EPB41: variants seen among roughly 807,000 people sequenced by gnomAD.
EPB41 encodes protein 4.1.
In EPB41, 65 loss-of-function variants were observed where a neutral mutation model predicts 108.0. The observed-to-expected ratio is 0.60, with a 90% CI of 0.49 to 0.74. The LOEUF is 0.74. Among genes scored for constraint, EPB41 ranks in the 30% least tolerant of loss-of-function variants. The probability of loss-of-function intolerance (pLI) is 0.00; values close to 1 mark genes in which losing one functional copy is unlikely to be tolerated. For missense variants in EPB41, 875 were observed against 1,037.0 expected, an observed-to-expected ratio of 0.84 and a Z score of 2.15; for synonymous variants, 336 against 358.9, an observed-to-expected ratio of 0.94 and a Z score of 0.72.
chr1:29,056,026 G>C (rs1389621045), intron 12 of EPB41, among the ~76,000 whole-genome samples: 1 of 151,016 alleles, frequency 6.6e-6, no homozygotes, highest in East Asian at 2.0e-4. Context: ...CACAAGGTCA[G>C]GAGATTGAGA....
chr1:28,912,971 C>G (rs1177558170), upstream of EPB41, among the ~76,000 whole-genome samples: 1 of 151,558 alleles, frequency 6.6e-6, no homozygotes, highest in Non-Finnish European at 1.5e-5. Flanking sequence ...TCTCCCTCCC[C>G]CAACCCTCGT....
At chr1:29,061,262 T>TTTTTA (rs975703818) in intron 15 of EPB41, among the ~76,000 whole-genome samples, 4 of 151,902 alleles carry the variant, frequency 2.6e-5, no homozygotes, top group Admixed American at 2.0e-4. Flanking sequence ...ATATATAAAA[T>TTTTTA]TTTTATTTTA....
intron 5 of EPB41, 104 bp downstream of exon 5, chr1:29,012,011 C>G: frequency 8.3e-7 from 1 of 1,198,108 alleles, no homozygotes; most frequent in African/African-American, 1.5e-5. Flanking sequence ...ATCCTGACTA[C>G]TGCAGATTGC....
chr1:28,942,351 C>G (rs1205555503), intron 1 of EPB41, among the ~76,000 whole-genome samples: 1 of 152,220 alleles, frequency 6.6e-6, no homozygotes, highest in African/African-American at 2.4e-5. Flanking sequence ...AGGTTGTGAC[C>G]TGTGCTTCTG....
intron 1 of EPB41, among the ~76,000 whole-genome samples, chr1:28,963,636 G>T (rs1191156934): frequency 6.6e-6 from 1 of 152,054 alleles, no homozygotes; most frequent in Non-Finnish European, 1.5e-5. Flanking sequence ...CTGAGGAAAG[G>T]GTCTGTGGCT....
chr1:28,981,750 A>G (rs779545762), intron 1 of EPB41, among the ~76,000 whole-genome samples: 10 of 152,066 alleles, frequency 6.6e-5, no homozygotes, highest in Admixed American at 1.3e-4. Context: ...CACAAGGTCC[A>G]TTTTCACAAC....
At chr1:29,054,486 T>C (rs1222151946) in intron 12 of EPB41, 1 of 149,512 alleles carries the variant, frequency 6.7e-6, no homozygotes, top group Non-Finnish European at 1.5e-5. Flanking sequence ...CAGATCAATA[T>C]CTAGTTTATC....
chr1:29,095,944 A>C (rs1663058005), intron 16 of EPB41, among the ~76,000 whole-genome samples: 1 of 152,190 alleles, frequency 6.6e-6, no homozygotes, highest in Non-Finnish European at 1.5e-5. Context: ...TGATATAGAA[A>C]TAGGACCAAA....
At chr1:28,891,917 G>A (rs2090153548) in intron 1 of EPB41, among the ~76,000 whole-genome samples, 1 of 151,804 alleles carries the variant, frequency 6.6e-6, no homozygotes, top group African/African-American at 2.4e-5. Context: ...GTGAAACCCC[G>A]TCTCTACTAA....
chr1:29,099,507 G>A (rs563170290), intron 17 of EPB41, among the ~76,000 whole-genome samples: 3 of 152,074 alleles, frequency 2.0e-5, no homozygotes, highest in South Asian at 2.1e-4. Context: ...TTGTAGTGAC[G>A]ATATTTTACC....
chr1:29,026,859 TGA>T (rs138626871), intron 7 of EPB41, among the ~76,000 whole-genome samples: 14,572 of 151,886 alleles, frequency 0.096, 846 homozygotes, highest in East Asian at 0.27. Flanking sequence ...TTTGGGAGGC[TGA>T]GTTGGGCAGA....
At chr1:28,953,299 T>G (rs879849113) in intron 1 of EPB41, among the ~76,000 whole-genome samples, 1 of 149,016 alleles carries the variant, frequency 6.7e-6, no homozygotes, top group Non-Finnish European at 1.5e-5. Context: ...GTTTAATAGG[T>G]TTCTTGGTTT....
At chr1:29,039,151 A>T in intron 10 of EPB41, 103 bp from the exon 11 acceptor site, 1 of 1,298,366 alleles carries the variant, frequency 7.7e-7, no homozygotes, top group Non-Finnish European at 1.1e-6. Context: ...GGAAACCCTG[A>T]GAATTGTGAA....
chr1:28,992,727 G>A (rs1337815763), intron 2 of EPB41, among the ~76,000 whole-genome samples: 1 of 151,944 alleles, frequency 6.6e-6, no homozygotes, highest in Non-Finnish European at 1.5e-5. Flanking sequence ...CCTACTTATC[G>A]GTATTATTTG....
intron 15 of EPB41, among the ~76,000 whole-genome samples, chr1:29,060,871 G>A (rs543663438): frequency 6.6e-6 from 1 of 152,222 alleles, no homozygotes; most frequent in South Asian, 2.1e-4. Context: ...AATTAAGAGA[G>A]TGTGAAAAAG....
At chr1:29,012,985 C>A (rs1414477746) in intron 5 of EPB41, among the ~76,000 whole-genome samples, 1 of 151,676 alleles carries the variant, frequency 6.6e-6, no homozygotes, top group Non-Finnish European at 1.5e-5. Context: ...TATGATTATC[C>A]AAGAAGATTC....
At chr1:28,969,432 C>T (rs370662791) in intron 1 of EPB41, among the ~76,000 whole-genome samples, 1 of 151,968 alleles carries the variant, frequency 6.6e-6, no homozygotes, top group East Asian at 1.9e-4. Flanking sequence ...TTGTAGTAAG[C>T]TTACGTGTTT....
chr1:29,035,898 T>G lies in EPB41; in HGVS notation c.1438T>G (p.Cys480Gly). Residue 480 changes from cysteine (C) to glycine (G), a missense_variant, in exon 10 of 21, where the codon TGT (cysteine) becomes GGT (glycine). Coordinates refer to ENST00000343067, the MANE Select transcript of EPB41 (RefSeq NM_001376013.1). Reference sequence around the variant, plus strand: ...AGCAGCTAAGAAATTATGGAAAGTCTGTGTAGAACATCACACGTTTTTCAG... The same window carrying G: ...AGCAGCTAAGAAATTATGGAAAGTCGGTGTAGAACATCACACGTTTTTCAG... ...YRAAKKLWKV[C>G]VEHHTFFRLT... 1 of 1,613,592 alleles carries G rather than the reference T, an allele frequency of 6.2e-7. No individual in the cohort carries two copies. The highest frequency in any genetic ancestry group is 8.5e-7 in the Non-Finnish European group (1 of 1,179,490).
intron 1 of EPB41, chr1:28,889,922 G>T: frequency 8.4e-6 from 7 of 831,614 alleles, no homozygotes; most frequent in Non-Finnish European, 1.0e-5. Flanking sequence ...GATTTGTTAG[G>T]GGTTTGCAGA....
Sources: gnomAD v4.1 joint callset for allele counts (sites outside exome capture counted in the v4.1 genomes callset) on GRCh38, gnomAD v4.1.1 for gene constraint, MANE v1.5 for transcripts, NCBI Gene and HGNC (gene_info 2026-07-23, HGNC 2026-07-21) for gene names.